TEX9: variants seen among roughly 807,000 people sequenced by gnomAD.
The protein encoded by TEX9 is testis expressed 9.
A neutral mutation model predicts 59.6 loss-of-function variants in TEX9; 74 were observed. The observed-to-expected ratio is 1.24, with a 90% confidence interval of 1.03 to 1.51. The LOEUF is 1.51. Among genes scored for constraint, TEX9 ranks in the 40% most tolerant of loss-of-function variants. TEX9 has a pLI of 0.00. For missense variants in TEX9, 522 were observed against 447.8 expected, an observed-to-expected ratio of 1.17 and a Z score of -1.49; for synonymous variants, 186 against 152.2, an observed-to-expected ratio of 1.22 and a Z score of -1.64.
intron 1 of TEX9, among the ~76,000 whole-genome samples, chr15:56,293,878 C>T (rs1180708766): frequency 1.3e-5 from 2 of 152,192 alleles, no homozygotes; most frequent in Non-Finnish European, 2.9e-5. Flanking sequence ...CATGTCTCTT[C>T]CCTTGGATTT....
chr15:56,394,223 T>C (rs2048348662), exon 8 of TEX9: 1 of 1,607,714 alleles, frequency 6.2e-7, no homozygotes, highest in South Asian at 1.1e-5. Flanking sequence ...AATTGGATAA[T>C]GTTGTATGTG....
chr15:56,338,964 T>A (rs2046311476), intron 1 of TEX9, among the ~76,000 whole-genome samples: 1 of 151,978 alleles, frequency 6.6e-6, no homozygotes, highest in Non-Finnish European at 1.5e-5. Context: ...TATAGGGGTG[T>A]CCCCTATGCT....
At chr15:56,389,248 T>G in intron 5 of TEX9, 70 bp from the exon 6 acceptor site, 1 of 1,225,588 alleles carries the variant, frequency 8.2e-7, no homozygotes, top group East Asian at 2.4e-5. Flanking sequence ...ATTCTATGTG[T>G]TACAGAATTG....
chr15:56,365,635 T>C (rs753540629), exon 2 of TEX9: 17 of 1,614,156 alleles, frequency 1.1e-5, no homozygotes, highest in Non-Finnish European at 1.4e-5. Flanking sequence ...CCTCTACACC[T>C]GGACCCGACC....
intron 1 of TEX9, among the ~76,000 whole-genome samples, chr15:56,358,825 G>A (rs1245056141): frequency 6.6e-6 from 1 of 152,100 alleles, no homozygotes; most frequent in Non-Finnish European, 1.5e-5. Flanking sequence ...GTGATAGTGA[G>A]TGATGTCTCA....
chr15:56,370,587 A>T (rs1397146797), intron 2 of TEX9, among the ~76,000 whole-genome samples: 1 of 152,202 alleles, frequency 6.6e-6, no homozygotes, highest in Non-Finnish European at 1.5e-5. Context: ...TGTTGGTAAT[A>T]TAAGGATAGA....
intron 2 of TEX9, among the ~76,000 whole-genome samples, chr15:56,371,471 T>C (rs200520305): frequency 1.3e-5 from 2 of 150,474 alleles, no homozygotes; most frequent in Admixed American, 6.6e-5. Flanking sequence ...ATTTTTTTTT[T>C]CCAAATTAAT....
intron 1 of TEX9, among the ~76,000 whole-genome samples, chr15:56,333,497 A>G (rs2141785545): frequency 6.8e-6 from 1 of 148,140 alleles, no homozygotes; most frequent in Admixed American, 6.8e-5. Context: ...AAACCCTCAA[A>G]AAACTGGATA....
At chr15:56,406,311 ATTAC>A (rs200818512) in intron 9 of TEX9, among the ~76,000 whole-genome samples, 10 of 152,076 alleles carry the variant, frequency 6.6e-5, no homozygotes, top group South Asian at 2.1e-4. Context: ...ATTGCTCCAT[ATTAC>A]TTATTTATGG....
intron 1 of TEX9, among the ~76,000 whole-genome samples, chr15:56,324,568 A>T (rs924508598): frequency 6.6e-6 from 1 of 152,202 alleles, no homozygotes; most frequent in Non-Finnish European, 1.5e-5. Flanking sequence ...AGTATTCTAC[A>T]GATGTGGATT....
chr15:56,263,090 C>A (rs2044303895), intron 1 of TEX9, among the ~76,000 whole-genome samples: 1 of 152,174 alleles, frequency 6.6e-6, no homozygotes, highest in African/African-American at 2.4e-5. Context: ...GTGGTACGAT[C>A]ATGGCTCACT....
At chr15:56,420,057 A>T (rs1021024855) in intron 10 of TEX9, among the ~76,000 whole-genome samples, 4 of 146,450 alleles carry the variant, frequency 2.7e-5, no homozygotes, top group Non-Finnish European at 5.9e-5. Context: ...ACTGGCATAC[A>T]GTTTTTTACA....
chr15:56,416,947 G>A (rs2049718584), intron 10 of TEX9, among the ~76,000 whole-genome samples: 1 of 151,734 alleles, frequency 6.6e-6, no homozygotes, highest in African/African-American at 2.4e-5. Context: ...GGGTGTACAT[G>A]TCCAGGAATT....
At chr15:56,357,930 T>C (rs558177460) in intron 1 of TEX9, among the ~76,000 whole-genome samples, 6 of 152,192 alleles carry the variant, frequency 3.9e-5, no homozygotes, top group Non-Finnish European at 7.3e-5. Flanking sequence ...TTTGCACTTA[T>C]GGTGACTTGC....
intron 1 of TEX9, among the ~76,000 whole-genome samples, chr15:56,330,378 T>G (rs1312246057): frequency 6.6e-6 from 1 of 151,988 alleles, no homozygotes; most frequent in Non-Finnish European, 1.5e-5. Flanking sequence ...ACAGAAAAAG[T>G]CAGAATATTA....
Position 56,316,824 on chromosome 15 carries a change from C to T in TEX9, c.-106-56617C>T, listed in dbSNP as rs561576382. Among the ~76,000 whole-genome samples, 399 of 152,296 alleles carry T rather than the reference C, an allele frequency of 2.6e-3. 4 individuals are homozygous for T. Among genetic ancestry groups the T allele is most frequent in the Non-Finnish European group, 4.4e-3 (302 of 68,020 alleles). On this transcript the variant is annotated intron_variant, in intron 1 of 5. Coordinates refer to the TEX9 transcript ENST00000560827. ...GAGACTCCGTGAGCGTAGGACCCTCCAAGCCAGGTGCGGGATATAATCTCG... is the reference window on the plus strand; with the variant it reads ...GAGACTCCGTGAGCGTAGGACCCTCTAAGCCAGGTGCGGGATATAATCTCG...
downstream of TEX9, chr15:56,447,062 T>C (rs1461695865): frequency 1.7e-5 from 11 of 666,118 alleles, no homozygotes; most frequent in Admixed American, 3.1e-4. Context: ...CGGGTATTAT[T>C]TTAGATCCAT....
chr15:56,323,752 AGGAGAAGG>A (rs1219236958), intron 1 of TEX9: 11 of 101,734 alleles, frequency 1.1e-4, no homozygotes, highest in Non-Finnish European at 2.0e-4. Flanking sequence ...GAGGAGAAGG[AGGAGAAGG>A]AGGAGAAGGA....
chr15:56,347,773 T>A (rs964265179), intron 1 of TEX9, among the ~76,000 whole-genome samples: 1 of 152,066 alleles, frequency 6.6e-6, no homozygotes, highest in South Asian at 2.1e-4. Flanking sequence ...TGGACTTTAT[T>A]AAAATTAAAA....
Sources: gnomAD v4.1 joint callset for allele counts (sites outside exome capture counted in the v4.1 genomes callset) on GRCh38, gnomAD v4.1.1 for gene constraint, MANE v1.5 for transcripts, NCBI Gene and HGNC (gene_info 2026-07-23, HGNC 2026-07-21) for gene names.